Variants in TSPAN12 observed in about 807,000 individuals in gnomAD.
TSPAN12 encodes tetraspanin 12.
In TSPAN12, 19 loss-of-function variants were observed where a neutral mutation model predicts 39.2. That is an observed-to-expected ratio of 0.49 (90% CI 0.34 to 0.71). TSPAN12 has a LOEUF of 0.71. Among genes scored for constraint, TSPAN12 ranks in the 30% least tolerant of loss-of-function variants. The pLI is 0.01. For synonymous variants in TSPAN12, 119 were observed against 124.8 expected (o/e 0.95, Z 0.31); for missense variants, 314 against 359.9 (o/e 0.87, Z 1.03).
At chr7:120,809,508 G>T (rs547779340) in intron 6 of TSPAN12, among the ~76,000 whole-genome samples, 4 of 152,290 alleles carry the variant, frequency 2.6e-5, no homozygotes, top group Admixed American at 2.6e-4. Flanking sequence ...TTTGGAGATT[G>T]TCCTGGACTT....
Position 120,799,506 on chromosome 7 carries a change from T to TTAATTATATATAATTAATTATATA in TSPAN12, c.612+7019_612+7042dup, listed in dbSNP as rs1265680645. ...ATTATATATAATTATTTTTAATTAA[T>TTAATTATATATAATTAATTATATA]TAATTATATATAATTAATTATATAT... On this transcript the variant is annotated intron_variant, in intron 7 of 7. Transcript: ENST00000222747. 4.5e-3 allele frequency among the ~76,000 whole-genome samples: 552 copies of TTAATTATATATAATTAATTATATA among 122,740 alleles called. 16 individuals carry two copies. Among genetic ancestry groups the TTAATTATATATAATTAATTATATA allele is most frequent in the Admixed American group, 0.035 (348 of 9,984 alleles). 80.5% of individuals were successfully genotyped at this position (122,740 alleles called of 152,430 possible).
chr7:120,857,220 C>T (rs368269466), intron 1 of TSPAN12: 11 of 292,452 alleles, frequency 3.8e-5, no homozygotes, highest in African/African-American at 2.4e-4. Context: ...TGAGAAACCA[C>T]ACTGCCCCCT....
At position 120,810,834 on chromosome 7, in the gene TSPAN12, T is replaced by G. The variant is rs1326897808; in HGVS notation, c.361-264A>C. On this transcript the variant is annotated intron_variant, in intron 5 of 7. Coordinates refer to ENST00000222747, the MANE Select transcript of TSPAN12 (RefSeq NM_012338.4). ...TAAGGAAAAAAATGAGAAATCACTT[T>G]AATGCTCAAGGAAATCACCAACAAG... 2.0e-5 allele frequency among the ~76,000 whole-genome samples: 3 copies of G among 152,184 alleles called. No individual in the cohort carries two copies. The East Asian group carries it at 5.8e-4, about 29-fold the overall frequency.
intron 2 of TSPAN12, among the ~76,000 whole-genome samples, chr7:120,844,849 A>G (rs2116484880): frequency 6.6e-6 from 1 of 152,294 alleles, no homozygotes; most frequent in African/African-American, 2.4e-5. Context: ...CTGCTCCACT[A>G]GGCAGTGCCT....
intron 4 of TSPAN12, among the ~76,000 whole-genome samples, chr7:120,816,957 T>C (rs976749107): frequency 6.6e-6 from 1 of 152,124 alleles, no homozygotes; most frequent in African/African-American, 2.4e-5. Flanking sequence ...TCATTGAATT[T>C]AGAATGGAGG....
At chr7:120,835,541 T>C (rs1794460868) in intron 4 of TSPAN12, among the ~76,000 whole-genome samples, 1 of 152,188 alleles carries the variant, frequency 6.6e-6, no homozygotes, top group Non-Finnish European at 1.5e-5. Flanking sequence ...TGTGTAGACT[T>C]AGGCAACTCA....
intron 4 of TSPAN12, among the ~76,000 whole-genome samples, chr7:120,835,274 C>A (rs749041721): frequency 1.3e-5 from 2 of 152,162 alleles, no homozygotes; most frequent in South Asian, 4.1e-4. Flanking sequence ...TCAGGAACGC[C>A]GAGGTCTGAA....
In TSPAN12 at chr7:120,787,775, A is replaced by G. The variant is rs1184906547; in HGVS notation, c.*817T>C. 2.6e-5 allele frequency: 4 copies of G among 152,324 alleles called. No individual in the cohort carries two copies. The highest frequency in any genetic ancestry group is 5.9e-5 in the Non-Finnish European group (4 of 68,020). The allele number at this position is 152,324 out of a possible 1,614,324, so 9.4% of individuals were successfully genotyped here. A position where few individuals can be genotyped will look rare whatever the true frequency, so the allele number is the denominator to read the frequency against. ...AGACCAGACTACATTCTGAATAATG[A>G]TTCCTATGTATCACACTGGTAATTT... is the stretch of plus-strand genomic sequence containing the variant. On this transcript the variant is annotated 3_prime_UTR_variant, in exon 8 of 8. Coordinates refer to ENST00000222747, the MANE Select transcript of TSPAN12 (RefSeq NM_012338.4).
chr7:120,838,515 C>A (rs984660631), intron 4 of TSPAN12, among the ~76,000 whole-genome samples: 3 of 152,162 alleles, frequency 2.0e-5, no homozygotes, highest in Non-Finnish European at 2.9e-5. Context: ...ACTACAAGGA[C>A]ACTAGAAAGA....
intron 7 of TSPAN12, among the ~76,000 whole-genome samples, chr7:120,790,186 C>T (rs1048564626): frequency 1.3e-5 from 2 of 152,096 alleles, no homozygotes; most frequent in Admixed American, 6.6e-5. Flanking sequence ...CTTGTGTGTT[C>T]GCATCCTTGA....
intron 4 of TSPAN12, among the ~76,000 whole-genome samples, chr7:120,826,974 C>T (rs1465306473): frequency 2.0e-5 from 3 of 152,154 alleles, no homozygotes; most frequent in Admixed American, 6.5e-5. Context: ...CCACCTGCCT[C>T]GGCCTCCCAA....
At chr7:120,834,687 A>C (rs1428378469) in intron 4 of TSPAN12, among the ~76,000 whole-genome samples, 1 of 152,194 alleles carries the variant, frequency 6.6e-6, no homozygotes, top group Non-Finnish European at 1.5e-5. Flanking sequence ...ACAGCTCTTA[A>C]AAGTAAAACA....
chr7:120,790,510 T>C (rs1352615546), intron 7 of TSPAN12, among the ~76,000 whole-genome samples: 1 of 152,118 alleles, frequency 6.6e-6, no homozygotes, highest in Non-Finnish European at 1.5e-5. Context: ...AAGATCAAAT[T>C]AAAAATAGAT....
intron 4 of TSPAN12, among the ~76,000 whole-genome samples, chr7:120,837,731 T>A (rs1160285037): frequency 6.6e-6 from 1 of 152,218 alleles, no homozygotes; most frequent in African/African-American, 2.4e-5. Flanking sequence ...AAAGCTTTAG[T>A]TCAACTTCAC....
At chr7:120,817,832 G>A (rs575625469) in intron 4 of TSPAN12, among the ~76,000 whole-genome samples, 7 of 152,226 alleles carry the variant, frequency 4.6e-5, no homozygotes, top group Non-Finnish European at 7.4e-5. Context: ...AGGTAGTGAC[G>A]ATTTGTGAAT....
intron 7 of TSPAN12, among the ~76,000 whole-genome samples, chr7:120,800,333 G>A (rs1016096365): frequency 2.6e-5 from 4 of 152,022 alleles, no homozygotes; most frequent in African/African-American, 2.4e-5. Flanking sequence ...TTTTTCAACC[G>A]AACCTTGACG....
At chr7:120,803,471 T>G (rs1793813155) in intron 7 of TSPAN12, among the ~76,000 whole-genome samples, 1 of 152,176 alleles carries the variant, frequency 6.6e-6, no homozygotes, top group Admixed American at 6.6e-5. Context: ...CAAAGTAGAA[T>G]TATGTCTTAT....
chr7:120,856,836 G>GC lies in TSPAN12; in HGVS notation c.-70-4dup, dbSNP rs915228814. On this transcript the variant is annotated splice_polypyrimidine_tract_variant and splice_region_variant and intron_variant, in intron 1 of 7. Coordinates refer to ENST00000222747, the MANE Select transcript of TSPAN12 (RefSeq NM_012338.4). ...CCCAAGGGCAAAACGGCAGCGATCTGCAGGGGGCGGGGGAGAGAGAACACG... is the reference window on the plus strand; with the variant it reads ...CCCAAGGGCAAAACGGCAGCGATCTGCCAGGGGGCGGGGGAGAGAGAACACG... 5 of 1,521,566 alleles carry GC rather than the reference G, an allele frequency of 3.3e-6. No individual in the cohort carries two copies. The African/African-American group carries it at 6.9e-5, about 21-fold the overall frequency. The allele number at this position is 1,521,566 out of a possible 1,614,324, so 94.3% of individuals were successfully genotyped here.
intron 7 of TSPAN12, among the ~76,000 whole-genome samples, chr7:120,799,362 G>A (rs1372017564): frequency 1.4e-5 from 2 of 147,804 alleles, no homozygotes; most frequent in African/African-American, 5.0e-5. Flanking sequence ...TACGGCTCAG[G>A]AGTGATGAGG....
Sources: allele counts gnomAD v4.1 joint callset (sites outside exome capture counted in the v4.1 genomes callset), GRCh38; gene constraint gnomAD v4.1.1; transcripts MANE v1.5; gene names NCBI Gene and HGNC (gene_info 2026-07-23, HGNC 2026-07-21).